The following KCNB2 variants were observed in gnomAD, a reference collection of about 807,000 sequenced individuals.
KCNB2 encodes potassium voltage-gated channel subfamily B member 2.
Under a neutral mutation model 61.5 loss-of-function variants are expected in KCNB2, and 15 were observed. The ratio of observed to expected loss-of-function variants is 0.24; its 90% CI spans 0.16 to 0.38. The LOEUF (loss-of-function observed/expected upper bound fraction) is 0.38, where lower values mean the gene tolerates loss of function less well. KCNB2 is among the 10% of genes least tolerant of loss of function. The pLI is 1.00. For missense variants in KCNB2, 828 were observed against 1,125.2 expected (o/e 0.74, Z 3.78); for synonymous variants, 457 against 446.0 (o/e 1.02, Z -0.31).
intron 2 of KCNB2, among the ~76,000 whole-genome samples, chr8:72,829,850 C>T (rs762586550): frequency 4.0e-5 from 6 of 151,828 alleles, no homozygotes; most frequent in Non-Finnish European, 8.8e-5. Flanking sequence ...TTATTATGTG[C>T]TCGGCCTTCA....
intron 2 of KCNB2, among the ~76,000 whole-genome samples, chr8:72,867,306 G>A (rs1805536484): frequency 1.3e-5 from 2 of 152,156 alleles, no homozygotes. Flanking sequence ...TATAAAAAAA[G>A]TTGTTACCTA....
intron 2 of KCNB2, among the ~76,000 whole-genome samples, chr8:72,658,930 G>A (rs952576387): frequency 6.6e-6 from 1 of 152,150 alleles, no homozygotes; most frequent in African/African-American, 2.4e-5. Flanking sequence ...CACTGACAAT[G>A]CACTTGGTCT....
At chr8:72,754,089 C>A (rs1808246083) in intron 2 of KCNB2, among the ~76,000 whole-genome samples, 1 of 152,096 alleles carries the variant, frequency 6.6e-6, no homozygotes, top group Non-Finnish European at 1.5e-5. Context: ...CCTTAAGACT[C>A]ATCAAGCCCA....
intron 2 of KCNB2, among the ~76,000 whole-genome samples, chr8:72,909,102 G>A (rs564225585): frequency 6.6e-6 from 1 of 152,252 alleles, no homozygotes; most frequent in East Asian, 1.9e-4. Flanking sequence ...TATGGCCACT[G>A]TCCTTGCAAA....
chr8:72,923,189 A>C (rs956275364), intron 2 of KCNB2, among the ~76,000 whole-genome samples: 1 of 152,110 alleles, frequency 6.6e-6, no homozygotes, highest in African/African-American at 2.4e-5. Context: ...TGAAGCCTTC[A>C]GGTAGAAGGC....
chr8:72,869,146 G>C (rs1354489683), intron 2 of KCNB2, among the ~76,000 whole-genome samples: 2 of 152,170 alleles, frequency 1.3e-5, no homozygotes, highest in East Asian at 3.9e-4. Flanking sequence ...ATAAGAACTG[G>C]GGTATGGTTG....
At chr8:72,790,161 A>G (rs900019882) in intron 2 of KCNB2, among the ~76,000 whole-genome samples, 1 of 152,222 alleles carries the variant, frequency 6.6e-6, no homozygotes, top group Non-Finnish European at 1.5e-5. Context: ...CTGGAAGCCC[A>G]GGGAAAGAAG....
chr8:72,754,322 C>G (rs1465355720), intron 2 of KCNB2, among the ~76,000 whole-genome samples: 4 of 152,148 alleles, frequency 2.6e-5, no homozygotes, highest in African/African-American at 9.7e-5. Context: ...GGAGAAGCCC[C>G]CTAGGTCTAA....
At chr8:72,577,385 T>C (rs1016566648) in intron 2 of KCNB2, among the ~76,000 whole-genome samples, 4 of 152,128 alleles carry the variant, frequency 2.6e-5, no homozygotes, top group Non-Finnish European at 5.9e-5. Flanking sequence ...TAGAGTATGT[T>C]CTATTGTAAA....
chr8:72,564,833 G>T (rs1265945642), intron 1 of KCNB2, among the ~76,000 whole-genome samples: 6 of 152,080 alleles, frequency 3.9e-5, no homozygotes, highest in South Asian at 2.1e-4. Flanking sequence ...AAACTTAAAA[G>T]CTAGAATTTA....
At chr8:72,817,845 T>C (rs1203324586) in intron 2 of KCNB2, among the ~76,000 whole-genome samples, 1 of 152,164 alleles carries the variant, frequency 6.6e-6, no homozygotes, top group Non-Finnish European at 1.5e-5. Flanking sequence ...CTGTAAATGT[T>C]TTTATGCTCA....
At chr8:72,884,015 T>A (rs1445229808) in intron 2 of KCNB2, among the ~76,000 whole-genome samples, 1 of 152,236 alleles carries the variant, frequency 6.6e-6, no homozygotes, top group Non-Finnish European at 1.5e-5. Context: ...CCAAAATAAT[T>A]GTATTGTTTT....
chr8:72,775,940 A>T (rs899882776), intron 2 of KCNB2, among the ~76,000 whole-genome samples: 1 of 152,176 alleles, frequency 6.6e-6, no homozygotes, highest in African/African-American at 2.4e-5. Context: ...TGCTATGAAG[A>T]CACATGCACA....
chr8:72,710,118 T>G (rs1486432404), intron 2 of KCNB2, among the ~76,000 whole-genome samples: 1 of 152,184 alleles, frequency 6.6e-6, no homozygotes, highest in African/African-American at 2.4e-5. Flanking sequence ...CGTGCCCATG[T>G]TCTCAGGACC....
chr8:72,758,251 G>A (rs1808322821), intron 2 of KCNB2, among the ~76,000 whole-genome samples: 1 of 152,148 alleles, frequency 6.6e-6, no homozygotes. Context: ...TGGTCCAGCT[G>A]AAATTGGAGA....
chr8:72,726,818 G>C (rs1807658126), intron 2 of KCNB2, among the ~76,000 whole-genome samples: 1 of 152,078 alleles, frequency 6.6e-6, no homozygotes, highest in South Asian at 2.1e-4. Flanking sequence ...AAGTGACATT[G>C]AAAATGAAGA....
At chr8:72,753,189 AATCC>A (rs1808228971) in intron 2 of KCNB2, among the ~76,000 whole-genome samples, 1 of 152,174 alleles carries the variant, frequency 6.6e-6, no homozygotes, top group East Asian at 1.9e-4. Context: ...TGGTGGTAAA[AATCC>A]ATGTTTTCTT....
At chr8:72,847,481 C>T (rs1353949069) in intron 2 of KCNB2, among the ~76,000 whole-genome samples, 1 of 152,230 alleles carries the variant, frequency 6.6e-6, no homozygotes, top group Non-Finnish European at 1.5e-5. Flanking sequence ...TTCATTGCTA[C>T]TTTAGCTGTT....
At chr8:72,649,415 A>C (rs1365015343) in intron 2 of KCNB2, among the ~76,000 whole-genome samples, 1 of 152,134 alleles carries the variant, frequency 6.6e-6, no homozygotes, top group African/African-American at 2.4e-5. Context: ...AGGATATAAA[A>C]ATGGCAACAA....
Sources: allele counts gnomAD v4.1 joint callset (sites outside exome capture counted in the v4.1 genomes callset), GRCh38; gene constraint gnomAD v4.1.1; transcripts MANE v1.5; gene names NCBI Gene and HGNC (gene_info 2026-07-23, HGNC 2026-07-21).